The following ATXN1 variants were observed in gnomAD, a reference collection of about 807,000 sequenced individuals.
The protein encoded by ATXN1 is ataxin 1.
A neutral mutation model predicts 56.4 loss-of-function variants in ATXN1; 8 were observed. That is an observed-to-expected ratio of 0.14 (90% CI 0.08 to 0.26). The LOEUF (loss-of-function observed/expected upper bound fraction) is 0.26, where lower values mean the gene tolerates loss of function less well. ATXN1 is among the 10% of genes least tolerant of loss of function. The pLI, the probability that ATXN1 is intolerant of heterozygous loss-of-function variation, is 1.00. For synonymous variants in ATXN1, 514 were observed against 494.6 expected, an observed-to-expected ratio of 1.04 and a Z score of -0.52; for missense variants, 987 against 1,106.5, an observed-to-expected ratio of 0.89 and a Z score of 1.53.
At chr6:16,396,658 T>C (rs1758464956) in intron 6 of ATXN1, among the ~76,000 whole-genome samples, 1 of 152,146 alleles carries the variant, frequency 6.6e-6, no homozygotes, top group Non-Finnish European at 1.5e-5. Context: ...TACAGTGGGG[T>C]ACAGTGATAC....
rs529694186 is a variant in ATXN1, at chr6:16,633,109, A to C, written c.-489+24667T>G. Among the ~76,000 whole-genome samples the C allele has an allele frequency of 4.6e-5, 7 of 152,324 alleles. No individual in the cohort carries two copies. In the East Asian group the frequency reaches 1.2e-3, roughly 25 times the overall value. ...TGGAAAATAGATGAGAAACATAAAT[A>C]CATTTGCTACGCATTGTTACAGTCT... On this transcript the variant is annotated intron_variant, in intron 3 of 7. Transcript: ENST00000436367.
At chr6:16,375,079 A>T (rs1287307518) in intron 6 of ATXN1, among the ~76,000 whole-genome samples, 1 of 152,214 alleles carries the variant, frequency 6.6e-6, no homozygotes, top group Non-Finnish European at 1.5e-5. Context: ...GGTGAAGACA[A>T]TGAAGAAAGG....
intron 6 of ATXN1, among the ~76,000 whole-genome samples, chr6:16,375,504 C>G (rs1762125018): frequency 6.6e-6 from 1 of 152,206 alleles, no homozygotes; most frequent in South Asian, 2.1e-4. Context: ...TACAAAAATT[C>G]ATCATTCCCC....
chr6:16,475,567 C>T (rs1388842100), intron 6 of ATXN1, among the ~76,000 whole-genome samples: 1 of 152,142 alleles, frequency 6.6e-6, no homozygotes, highest in Admixed American at 6.5e-5. Flanking sequence ...GTAAATAAGG[C>T]TCAGAGAAGT....
At chr6:16,728,842 T>C (rs1457239352) in intron 2 of ATXN1, among the ~76,000 whole-genome samples, 2 of 152,324 alleles carry the variant, frequency 1.3e-5, no homozygotes. Flanking sequence ...CTTCACCAAG[T>C]GTGGATCCCA....
Position 16,569,151 on chromosome 6 carries a change from A to G in ATXN1, c.-361+16629T>C, listed in dbSNP as rs142355507. 2.6e-5 allele frequency among the ~76,000 whole-genome samples: 4 copies of G among 152,256 alleles called. No homozygotes were observed. In the East Asian group the frequency reaches 7.7e-4, roughly 29 times the overall value. On this transcript the variant is annotated intron_variant, in intron 4 of 7. Transcript: ENST00000436367. Reference sequence around the variant, plus strand: ...CTTGCCTTTTCATGGGGAGCCACACATGACTGCCTGCTCTTCTTCCCATGA... The same window carrying G: ...CTTGCCTTTTCATGGGGAGCCACACGTGACTGCCTGCTCTTCTTCCCATGA...
chr6:16,343,692 C>T (rs1191745477), intron 6 of ATXN1, among the ~76,000 whole-genome samples: 2 of 152,184 alleles, frequency 1.3e-5, no homozygotes, highest in Non-Finnish European at 2.9e-5. Flanking sequence ...CAGGTTATGT[C>T]AGTTCCACCC....
At chr6:16,407,208 T>A (rs1364327793) in intron 6 of ATXN1, among the ~76,000 whole-genome samples, 1 of 152,224 alleles carries the variant, frequency 6.6e-6, no homozygotes, top group Non-Finnish European at 1.5e-5. Context: ...TTTAAAAGAT[T>A]GTGTTGTGGG....
chr6:16,431,291 T>G (rs973362472), intron 6 of ATXN1, among the ~76,000 whole-genome samples: 3 of 152,126 alleles, frequency 2.0e-5, no homozygotes, highest in Non-Finnish European at 4.4e-5. Flanking sequence ...TACCACCAAT[T>G]GAGAGAACAT....
chr6:16,703,478 A>T (rs1385584907), intron 2 of ATXN1, among the ~76,000 whole-genome samples: 1 of 152,234 alleles, frequency 6.6e-6, no homozygotes, highest in Non-Finnish European at 1.5e-5. Context: ...CTTAAAGTAT[A>T]ATTTTAAAAA....
chr6:16,613,441 A>G (rs1763149981), intron 3 of ATXN1, among the ~76,000 whole-genome samples: 1 of 151,944 alleles, frequency 6.6e-6, no homozygotes, highest in South Asian at 2.1e-4. Flanking sequence ...GAACAAACCA[A>G]ATTAAAAATA....
chr6:16,489,797 G>A (rs1416684193), intron 5 of ATXN1, among the ~76,000 whole-genome samples: 3 of 152,106 alleles, frequency 2.0e-5, no homozygotes, highest in East Asian at 3.9e-4. Context: ...CAGCCTGGGC[G>A]AAAGAACAAG....
intron 6 of ATXN1, among the ~76,000 whole-genome samples, chr6:16,450,423 T>C (rs1759731437): frequency 6.6e-6 from 1 of 152,256 alleles, no homozygotes; most frequent in Non-Finnish European, 1.5e-5. Flanking sequence ...AATAGTTCCA[T>C]CTGCCAGTGA....
intron 2 of ATXN1, among the ~76,000 whole-genome samples, chr6:16,724,013 C>A (rs997944565): frequency 1.3e-5 from 2 of 152,152 alleles, no homozygotes; most frequent in Non-Finnish European, 2.9e-5. Flanking sequence ...GATGACTTCA[C>A]GTTCAAAAGA....
At chr6:16,356,037 T>G (rs1761682737) in intron 6 of ATXN1, among the ~76,000 whole-genome samples, 1 of 152,242 alleles carries the variant, frequency 6.6e-6, no homozygotes, top group African/African-American at 2.4e-5. Context: ...TCCTGAGAGC[T>G]CTGAAGTCAT....
intron 6 of ATXN1, among the ~76,000 whole-genome samples, chr6:16,483,734 T>G (rs1760484922): frequency 6.6e-6 from 1 of 152,242 alleles, no homozygotes; most frequent in Admixed American, 6.5e-5. Flanking sequence ...CTTTGAGGTC[T>G]GACAGGGTGT....
At chr6:16,324,943 G>A (rs1048481340) in intron 7 of ATXN1, among the ~76,000 whole-genome samples, 4 of 152,218 alleles carry the variant, frequency 2.6e-5, no homozygotes, top group South Asian at 4.1e-4. Flanking sequence ...GATCCCAGAG[G>A]TATAGTCTCT....
At chr6:16,468,915 G>C (rs1760162428) in intron 6 of ATXN1, among the ~76,000 whole-genome samples, 1 of 151,834 alleles carries the variant, frequency 6.6e-6, no homozygotes, top group African/African-American at 2.4e-5. Context: ...AAAAAAGGTA[G>C]GACTGTGATA....
chr6:16,582,078 C>T (rs1054412172), intron 4 of ATXN1, among the ~76,000 whole-genome samples: 1 of 152,176 alleles, frequency 6.6e-6, no homozygotes, highest in African/African-American at 2.4e-5. Flanking sequence ...TCTTCATTTC[C>T]TGGCCTGGTC....
Sources: allele counts gnomAD v4.1 joint callset (sites outside exome capture counted in the v4.1 genomes callset), GRCh38; gene constraint gnomAD v4.1.1; transcripts MANE v1.5; gene names NCBI Gene and HGNC (gene_info 2026-07-23, HGNC 2026-07-21).